The following SLC25A51 variants were observed in gnomAD, a reference collection of about 807,000 sequenced individuals.
SLC25A51 encodes the protein solute carrier family 25 member 51, also known as mitochondrial nicotinamide adenine dinucleotide transporter SLC25A51.
Under a neutral mutation model 19.1 loss-of-function variants are expected in SLC25A51, and 11 were observed. That is an observed-to-expected ratio of 0.58 (90% CI 0.36 to 0.96). SLC25A51 has a LOEUF of 0.96. Among genes scored for constraint, SLC25A51 ranks in the 40% least tolerant of loss-of-function variants. SLC25A51 has a pLI of 0.01. For missense variants in SLC25A51, 201 were observed against 365.4 expected (o/e 0.55, Z 3.67); for synonymous variants, 105 against 133.6 (o/e 0.79, Z 1.47).
Position 37,888,378 on chromosome 9 carries a change from T to C in SLC25A51, c.173A>G (p.Gln58Arg). 1 of 1,614,278 alleles carries C rather than the reference T, an allele frequency of 6.2e-7. No individual in the cohort carries two copies. The highest frequency in any genetic ancestry group is 8.5e-7 in the Non-Finnish European group (1 of 1,180,050). ...TFPIQKVLFR[Q>R]QLYGIKTRDA... ...CCGGGTTTTGATGCCATACAGCTGTTGTCGAAAGAGGACCTTCTGAATGGG... is the reference window on the plus strand; with the variant it reads ...CCGGGTTTTGATGCCATACAGCTGTCGTCGAAAGAGGACCTTCTGAATGGG... The change falls in exon 3 of 3, where the codon CAA becomes CGA. Residue 58 changes from glutamine to arginine, a missense_variant. Transcript: ENST00000242275.
intron 1 of SLC25A51, chr9:37,903,384 T>C (rs1831897658): frequency 2.0e-5 from 3 of 152,218 alleles, no homozygotes. Flanking sequence ...ATACTCCATC[T>C]AGCTAAACTG....
At chr9:37,885,342 T>TAAAAAAAAAAAA, downstream of SLC25A51, among the ~76,000 whole-genome samples, 1 of 99,244 alleles carries the variant, frequency 1.0e-5, no homozygotes, top group Non-Finnish European at 2.0e-5. Flanking sequence ...TAGGTAATGA[T>TAAAAAAAAAAAA]AAAAAAAAAA....
At chr9:37,902,260 GTTTA>G (rs1255800930) in intron 1 of SLC25A51, among the ~76,000 whole-genome samples, 4 of 152,176 alleles carry the variant, frequency 2.6e-5, no homozygotes, top group Non-Finnish European at 4.4e-5. Flanking sequence ...ATAAAGGTTA[GTTTA>G]TTTATGACTC....
At chr9:37,881,686 T>G (rs965732012) in intron 2 of SLC25A51, 2 of 152,118 alleles carry the variant, frequency 1.3e-5, no homozygotes, top group South Asian at 2.1e-4. Context: ...AAAATAAAAC[T>G]TATATGAAAC....
chr9:37,885,838 T>C (rs149958294), downstream of SLC25A51: 3 of 1,604,778 alleles, frequency 1.9e-6, no homozygotes, highest in Non-Finnish European at 2.6e-6. Context: ...ATGGGCCTAC[T>C]TTACATCACA....
downstream of SLC25A51, among the ~76,000 whole-genome samples, chr9:37,887,288 G>T (rs1831481291): frequency 6.6e-6 from 1 of 150,748 alleles, no homozygotes; most frequent in South Asian, 2.1e-4. Context: ...CTGCACTCCA[G>T]CCTGGGCAAC....
intron 2 of SLC25A51, among the ~76,000 whole-genome samples, chr9:37,891,815 AAATCCCCCTCTGCGAG>A (rs1831593181): frequency 6.6e-6 from 1 of 150,862 alleles, no homozygotes; most frequent in Admixed American, 6.6e-5. Context: ...TGACCCTGCC[AAATCCCCCTCTGCGAG>A]AAACACCCAA....
chr9:37,896,006 G>T (rs1024835118), intron 2 of SLC25A51, among the ~76,000 whole-genome samples: 3 of 151,982 alleles, frequency 2.0e-5, no homozygotes, highest in African/African-American at 7.3e-5. Context: ...TAAAGACAAG[G>T]TTTTGCCACA....
intron 2 of SLC25A51, among the ~76,000 whole-genome samples, chr9:37,891,691 C>G (rs1831590274): frequency 6.6e-6 from 1 of 152,080 alleles, no homozygotes; most frequent in African/African-American, 2.4e-5. Context: ...ACTCCCTAAT[C>G]GCAAGTTCCC....
At chr9:37,903,670 G>A (rs1257121343) in intron 1 of SLC25A51, 2 of 152,370 alleles carry the variant, frequency 1.3e-5, no homozygotes, top group African/African-American at 4.8e-5. Flanking sequence ...CCGGGACGCA[G>A]AGGCCCTTGC....
chr9:37,885,882 C>CA, downstream of SLC25A51: 1 of 1,597,790 alleles, frequency 6.3e-7, no homozygotes, highest in East Asian at 2.2e-5. Context: ...GTGCAAACCC[C>CA]CCCCTCCCCA....
At chr9:37,889,696 A>C (rs1182135904) in intron 2 of SLC25A51, among the ~76,000 whole-genome samples, 1 of 150,014 alleles carries the variant, frequency 6.7e-6, no homozygotes, top group Admixed American at 6.7e-5. Context: ...ACAGATGGCA[A>C]TGACTTTGTG....
At chr9:37,885,705 T>A (rs1831439502), downstream of SLC25A51, 2 of 1,396,346 alleles carry the variant, frequency 1.4e-6, no homozygotes, top group Non-Finnish European at 2.0e-6. Flanking sequence ...GATCCTGATG[T>A]TTCTCAGTGC....
chr9:37,888,646 T>C (rs892626195), intron 2 of SLC25A51, 54 bp from the exon 3 acceptor site: 2 of 1,371,244 alleles, frequency 1.5e-6, no homozygotes, highest in Middle Eastern at 1.9e-4. Flanking sequence ...GCTAAACACA[T>C]GGGCTTTCTC....
At chr9:37,882,793 G>A (rs979460793), downstream of SLC25A51, among the ~76,000 whole-genome samples, 28 of 152,134 alleles carry the variant, frequency 1.8e-4, no homozygotes, top group Admixed American at 1.3e-4. Flanking sequence ...TGCCACAGAC[G>A]TAACAGAAAG....
At chr9:37,900,026 C>G (rs1471771997) in intron 1 of SLC25A51, 76 bp from the exon 2 acceptor site, 2 of 78,662 alleles carry the variant, frequency 2.5e-5, no homozygotes, top group African/African-American at 1.0e-4. Flanking sequence ...TTTGTAGAGA[C>G]AGGGTCTCAC....
At chr9:37,886,891 C>T (rs1282243661), downstream of SLC25A51, among the ~76,000 whole-genome samples, 1 of 151,970 alleles carries the variant, frequency 6.6e-6, no homozygotes, top group Non-Finnish European at 1.5e-5. Flanking sequence ...TGGCTGGGCG[C>T]GGTGGCTCAC....
downstream of SLC25A51, among the ~76,000 whole-genome samples, chr9:37,885,387 G>C (rs1183118784): frequency 6.8e-6 from 1 of 145,996 alleles, no homozygotes; most frequent in African/African-American, 2.5e-5. Context: ...TTTCCTATTG[G>C]AACCTTTTAT....
At chr9:37,883,509 A>G (rs1296709720), downstream of SLC25A51, among the ~76,000 whole-genome samples, 1 of 152,264 alleles carries the variant, frequency 6.6e-6, no homozygotes, top group African/African-American at 2.4e-5. Flanking sequence ...GTGCTTTAGA[A>G]CTCAGATTTC....
Sources: gnomAD v4.1 joint callset for allele counts (sites outside exome capture counted in the v4.1 genomes callset) on GRCh38, gnomAD v4.1.1 for gene constraint, MANE v1.5 for transcripts, NCBI Gene and HGNC (gene_info 2026-07-23, HGNC 2026-07-21) for gene names.